The following MARCHF1 variants were observed in gnomAD, a reference collection of about 807,000 sequenced individuals.
The protein encoded by MARCHF1 is E3 ubiquitin-protein ligase MARCHF1.
MARCHF1 carries 40 observed loss-of-function variants against 54.2 expected under a neutral mutation model. That is an observed-to-expected ratio of 0.74 (90% CI 0.57 to 0.96). MARCHF1 has a LOEUF of 0.96. Among genes scored for constraint, MARCHF1 ranks in the 40% least tolerant of loss-of-function variants. MARCHF1 has a pLI of 0.00. For synonymous variants in MARCHF1, 236 were observed against 236.3 expected (o/e 1.00, Z 0.01); for missense variants, 586 against 656.5 (o/e 0.89, Z 1.17).
chr4:163,760,250 T>C (rs1333586296), intron 4 of MARCHF1, among the ~76,000 whole-genome samples: 2 of 152,240 alleles, frequency 1.3e-5, no homozygotes, highest in East Asian at 3.8e-4. Flanking sequence ...TCTGCTTTTC[T>C]CTTCTCATTT....
chr4:164,305,559 G>A (rs369297929), intron 1 of MARCHF1, among the ~76,000 whole-genome samples: 2 of 152,078 alleles, frequency 1.3e-5, no homozygotes, highest in East Asian at 3.8e-4. Flanking sequence ...GTTTTTGTAA[G>A]TATTCTTTTC....
At chr4:164,300,452 G>A (rs1288260754) in intron 1 of MARCHF1, among the ~76,000 whole-genome samples, 1 of 151,978 alleles carries the variant, frequency 6.6e-6, no homozygotes, top group Non-Finnish European at 1.5e-5. Context: ...CTCCCCTATA[G>A]GCCCTTTCCA....
intron 1 of MARCHF1, among the ~76,000 whole-genome samples, chr4:164,364,793 A>T (rs1318560948): frequency 6.6e-6 from 1 of 151,180 alleles, no homozygotes. Context: ...TTTCTTTCAC[A>T]TATTTCCCTC....
chr4:163,880,909 G>A (rs1750401666), intron 3 of MARCHF1, among the ~76,000 whole-genome samples: 1 of 152,014 alleles, frequency 6.6e-6, no homozygotes, highest in African/African-American at 2.4e-5. Flanking sequence ...TCCTGCCTCA[G>A]GGATTGCGTT....
chr4:163,567,375 T>TG (rs1406690300), intron 8 of MARCHF1, among the ~76,000 whole-genome samples: 1 of 152,216 alleles, frequency 6.6e-6, no homozygotes, highest in Non-Finnish European at 1.5e-5. Context: ...AACGCAGTCC[T>TG]GCACTGGCTG....
At chr4:163,990,985 C>T (rs1250092022) in intron 2 of MARCHF1, among the ~76,000 whole-genome samples, 1 of 152,142 alleles carries the variant, frequency 6.6e-6, no homozygotes, top group Non-Finnish European at 1.5e-5. Context: ...TCCTTTACCT[C>T]ATTATGCATA....
chr4:163,647,883 A>T lies in MARCHF1; in HGVS notation c.163-34490T>A, dbSNP rs1461702207. On this transcript the variant is annotated intron_variant, in intron 5 of 9. Transcript: ENST00000514618. ...ACAAAAGAAGTCCAAAGTTAACAGA[A>T]AGAAGGAAATAATGAAGATCAGAGA... Among the ~76,000 whole-genome samples the T allele has an allele frequency of 2.6e-5, 4 of 151,828 alleles. No homozygotes were observed. In the East Asian group the frequency reaches 5.8e-4, roughly 22 times the overall value.
At chr4:163,937,963 A>C (rs1037055467) in intron 3 of MARCHF1, among the ~76,000 whole-genome samples, 1 of 152,140 alleles carries the variant, frequency 6.6e-6, no homozygotes, top group Non-Finnish European at 1.5e-5. Context: ...AGGGCACATA[A>C]CAGAACATAT....
chr4:164,156,139 C>T (rs1378063234), intron 1 of MARCHF1, among the ~76,000 whole-genome samples: 1 of 152,104 alleles, frequency 6.6e-6, no homozygotes, highest in African/African-American at 2.4e-5. Flanking sequence ...AATCTGGGTT[C>T]AATTGTAATC....
At chr4:163,832,167 A>G (rs1749043510) in intron 4 of MARCHF1, among the ~76,000 whole-genome samples, 1 of 152,208 alleles carries the variant, frequency 6.6e-6, no homozygotes, top group African/African-American at 2.4e-5. Context: ...GTACATGACA[A>G]AAGGAGATGT....
intron 7 of MARCHF1, among the ~76,000 whole-genome samples, chr4:163,606,915 T>C (rs1328604463): frequency 2.6e-5 from 4 of 152,092 alleles, no homozygotes; most frequent in Admixed American, 2.0e-4. Flanking sequence ...GCTAATTATA[T>C]GCCTTCCCTG....
At chr4:163,601,329 G>A (rs1740957299) in intron 7 of MARCHF1, among the ~76,000 whole-genome samples, 2 of 151,574 alleles carry the variant, frequency 1.3e-5, no homozygotes, top group Non-Finnish European at 2.9e-5. Flanking sequence ...AACATATAGG[G>A]AATCTAAATT....
rs879726666 is a variant in MARCHF1, at chr4:163,978,613, T to A, written c.-39+9888A>T. 9.2e-5 allele frequency among the ~76,000 whole-genome samples: 14 copies of A among 152,314 alleles called. No individual in the cohort carries two copies. The Middle Eastern group carries it at 0.014, about 148-fold the overall frequency. On this transcript the variant is annotated intron_variant, in intron 3 of 9. Coordinates refer to ENST00000514618, the MANE Select transcript of MARCHF1 (RefSeq NM_001394959.1). Reference sequence around the variant, plus strand: ...GCCCAAATTTGAACCCAGTCAGTCTTCTTCCAGATACATGCTTTTAACCAC... The same window carrying A: ...GCCCAAATTTGAACCCAGTCAGTCTACTTCCAGATACATGCTTTTAACCAC...
chr4:164,378,538 G>T (rs1731266559), intron 1 of MARCHF1, among the ~76,000 whole-genome samples: 1 of 152,200 alleles, frequency 6.6e-6, no homozygotes. Flanking sequence ...AGACATCTGG[G>T]CTGGGTGCGG....
At chr4:164,288,764 CAT>C (rs1050742750) in intron 1 of MARCHF1, among the ~76,000 whole-genome samples, 11 of 152,078 alleles carry the variant, frequency 7.2e-5, no homozygotes, top group Admixed American at 2.6e-4. Flanking sequence ...CTACTCGACA[CAT>C]GAGTGGGAGT....
chr4:164,073,638 A>AAAAT (rs936136944), intron 2 of MARCHF1, among the ~76,000 whole-genome samples: 50 of 152,248 alleles, frequency 3.3e-4, no homozygotes, highest in African/African-American at 7.2e-4. Flanking sequence ...AAGTTTAATA[A>AAAAT]AAATAAATAA....
intron 5 of MARCHF1, among the ~76,000 whole-genome samples, chr4:163,662,490 A>G (rs1260106555): frequency 6.6e-6 from 1 of 151,506 alleles, no homozygotes; most frequent in Non-Finnish European, 1.5e-5. Context: ...CTGCTCTCAT[A>G]TTTGTAATAT....
At chr4:164,161,528 C>CATCATCATT (rs1553987951) in intron 1 of MARCHF1, among the ~76,000 whole-genome samples, 1 of 146,530 alleles carries the variant, frequency 6.8e-6, no homozygotes, top group Non-Finnish European at 1.5e-5. Context: ...ATATCAAAAT[C>CATCATCATT]ATCATCATCA....
chr4:163,908,979 C>G (rs139893502), intron 3 of MARCHF1, among the ~76,000 whole-genome samples: 1 of 151,974 alleles, frequency 6.6e-6, no homozygotes, highest in East Asian at 1.9e-4. Flanking sequence ...AAATCAAGAG[C>G]CCCAAGCAGG....
Sources: gnomAD v4.1 joint callset for allele counts (sites outside exome capture counted in the v4.1 genomes callset) on GRCh38, gnomAD v4.1.1 for gene constraint, MANE v1.5 for transcripts, NCBI Gene and HGNC (gene_info 2026-07-23, HGNC 2026-07-21) for gene names.